TCN2: variants seen among roughly 807,000 people sequenced by gnomAD.
The protein encoded by TCN2 is transcobalamin-2.
In TCN2, 34 loss-of-function variants were observed where a neutral mutation model predicts 48.6. The ratio of observed to expected loss-of-function variants is 0.70; its 90% CI spans 0.53 to 0.93. The LOEUF (loss-of-function observed/expected upper bound fraction) is 0.93. Among genes scored for constraint, TCN2 ranks in the 40% least tolerant of loss-of-function variants. The probability of loss-of-function intolerance (pLI) is 0.00; values close to 1 mark genes in which losing one functional copy is unlikely to be tolerated. For missense variants in TCN2, 652 were observed against 526.1 expected, an observed-to-expected ratio of 1.24 and a Z score of -2.34; for synonymous variants, 283 against 212.5, an observed-to-expected ratio of 1.33 and a Z score of -2.89.
chr22:30,620,924 A>G lies in TCN2; in HGVS notation c.1107-2044A>G, dbSNP rs5997706. 1.0e-2 allele frequency among the ~76,000 whole-genome samples: 1,520 copies of G among 152,284 alleles called. 23 individuals are homozygous for G. The highest frequency in any genetic ancestry group is 0.035 in the African/African-American group (1,450 of 41,570). On this transcript the variant is annotated intron_variant, in intron 7 of 8. Coordinates refer to ENST00000215838, the MANE Select transcript of TCN2 (RefSeq NM_000355.4). The stretch of plus-strand genomic sequence containing the variant: ...GCCCTGCAGAGTTAAGGAATGGGAA[A>G]AGGGCTACTCTGTGACATTCCTTAG...
intron 6 of TCN2, 147 bp downstream of exon 6, chr22:30,615,934 C>T (rs2145545637): frequency 2.1e-6 from 2 of 942,314 alleles, no homozygotes; most frequent in Non-Finnish European, 3.4e-6. Context: ...AAAATGTGGT[C>T]ATAGCTTCTA....
At chr22:30,624,619 A>G (rs991494183) in intron 8 of TCN2, among the ~76,000 whole-genome samples, 10 of 152,178 alleles carry the variant, frequency 6.6e-5, no homozygotes, top group Admixed American at 3.9e-4. Flanking sequence ...GGCCAGTTCT[A>G]TTACTGATAA....
intron 2 of TCN2, among the ~76,000 whole-genome samples, chr22:30,612,155 G>C (rs780827821): frequency 6.6e-6 from 1 of 152,146 alleles, no homozygotes; most frequent in African/African-American, 2.4e-5. Context: ...AAAGGTGGGA[G>C]GATCTTTTGA....
chr22:30,615,892 A>G, intron 6 of TCN2, 105 bp downstream of exon 6: 1 of 1,447,970 alleles, frequency 6.9e-7, no homozygotes, highest in Non-Finnish European at 9.6e-7. Context: ...GAGTCAGCAC[A>G]AGATTGTGGG....
Position 30,617,355 on chromosome 22 carries a change from C to T in TCN2, c.966C>T (p.Thr322=). The change falls in exon 7 of 9, where the codon ACC becomes ACT. Residue 322 remains threonine, a synonymous_variant. Coordinates refer to ENST00000215838, the MANE Select transcript of TCN2 (RefSeq NM_000355.4). The part of the protein sequence containing the change: ...PRVMLEPAAE[T]IPQTQEIISV... Reference sequence around the variant, plus strand: ...TCATGTTGGAACCAGCTGCTGAGACCATTCCTCAGACCCAAGAGATCATCA... The same window carrying T: ...TCATGTTGGAACCAGCTGCTGAGACTATTCCTCAGACCCAAGAGATCATCA... 4 of 1,614,168 alleles carry T rather than the reference C, an allele frequency of 2.5e-6. No homozygotes were observed. Among genetic ancestry groups the T allele is most frequent in the Non-Finnish European group, 2.5e-6 (3 of 1,180,038 alleles).
chr22:30,616,913 A>G (rs1013423094), intron 6 of TCN2, among the ~76,000 whole-genome samples: 1 of 152,176 alleles, frequency 6.6e-6, no homozygotes, highest in Non-Finnish European at 1.5e-5. Flanking sequence ...AAAGAGTGGG[A>G]TCTGGGAGAA....
rs184825551 is a variant in TCN2 at position 30,618,206 on chromosome 22, G to T, written c.1106+711G>T. Among the ~76,000 whole-genome samples, 177 of 150,334 alleles carry T rather than the reference G, an allele frequency of 1.2e-3. 1 individual carries two copies. Among genetic ancestry groups the T allele is most frequent in the African/African-American group, 3.9e-3 (159 of 40,800 alleles). ...CTCAAACCATCCTCACACCTGAGGC[G>T]CTCAAAATATTGGGATTATAGGTGC... On this transcript the variant is annotated intron_variant, in intron 7 of 8. Coordinates refer to ENST00000215838, the MANE Select transcript of TCN2 (RefSeq NM_000355.4).
chr22:30,617,371 G>A lies in TCN2; in HGVS notation c.982G>A (p.Glu328Lys), dbSNP rs1294824435. Residue 328 changes from glutamate (E) to lysine (K), a missense_variant, in exon 7 of 9, where the codon GAG (glutamate) becomes AAG (lysine). By Grantham distance (56) the Glu-to-Lys change is moderately conservative. Coordinates refer to ENST00000215838, the MANE Select transcript of TCN2 (RefSeq NM_000355.4). Reference protein sequence around the residue: ...PAAETIPQTQEIISVTLQVLS... With the variant: ...PAAETIPQTQKIISVTLQVLS... Reference sequence around the variant, plus strand: ...TGCTGAGACCATTCCTCAGACCCAAGAGATCATCAGTGTCACGCTGCAGGT... The same window carrying A: ...TGCTGAGACCATTCCTCAGACCCAAAAGATCATCAGTGTCACGCTGCAGGT... 6.2e-7 allele frequency: 1 copy of A among 1,614,048 alleles called. No homozygotes were observed. The highest frequency in any genetic ancestry group is 1.3e-5 in the African/African-American group (1 of 74,900).
At position 30,607,310 on chromosome 22, in the gene TCN2, T is replaced by G. The variant is rs555008385; in HGVS notation, c.-22T>G. On this transcript the variant is annotated 5_prime_UTR_variant, in exon 1 of 9. Transcript: ENST00000215838. ...GGAGTCTTTCCCGATTCTTGCTCAC[T>G]GCTCACCCACCTGCTGCTGCCATGA... 1.7e-4 allele frequency: 278 copies of G among 1,614,156 alleles called. 2 individuals carry two copies. The South Asian group carries it at 2.8e-3, about 16-fold the overall frequency.
chr22:30,616,706 C>T (rs1201190615), intron 6 of TCN2, among the ~76,000 whole-genome samples: 1 of 152,064 alleles, frequency 6.6e-6, no homozygotes, highest in African/African-American at 2.4e-5. Context: ...GAGGCTGAGC[C>T]ACAAGAATCA....
chr22:30,614,281 C>T, intron 3 of TCN2, 68 bp from the exon 4 acceptor site: 5 of 1,594,922 alleles, frequency 3.1e-6, no homozygotes, highest in African/African-American at 1.3e-5. Flanking sequence ...GCCAGGGTCC[C>T]AGGTGCTGGC....
At chr22:30,619,749 C>G (rs1432220641) in intron 7 of TCN2, among the ~76,000 whole-genome samples, 2 of 152,220 alleles carry the variant, frequency 1.3e-5, no homozygotes, top group Non-Finnish European at 2.9e-5. Flanking sequence ...TAGAGAATCT[C>G]AGACCGGAGA....
chr22:30,626,908 G>A lies in TCN2; in HGVS notation c.*387G>A, dbSNP rs535143735. Reference sequence around the variant, plus strand: ...GGGGTCCTGCAAGAAGGCCTCCTCAGCCCGGGGGCTATGGCCCTGACCCCA... The same window carrying A: ...GGGGTCCTGCAAGAAGGCCTCCTCAACCCGGGGGCTATGGCCCTGACCCCA... On this transcript the variant is annotated 3_prime_UTR_variant, in exon 9 of 9. Coordinates refer to ENST00000215838, the MANE Select transcript of TCN2 (RefSeq NM_000355.4). 3.5e-4 allele frequency: 123 copies of A among 347,692 alleles called. No homozygotes were observed. The highest frequency in any genetic ancestry group is 3.0e-3 in the South Asian group (114 of 37,968). The allele number at this position is 347,692 out of a possible 1,614,324, so 21.5% of individuals were successfully genotyped here.
chr22:30,626,177 A>G (rs999285609), intron 8 of TCN2, among the ~76,000 whole-genome samples: 1 of 152,144 alleles, frequency 6.6e-6, no homozygotes, highest in Non-Finnish European at 1.5e-5. Context: ...TCCAGACTGC[A>G]CTGCGCAAGT....
In TCN2 at chr22:30,612,893, A is replaced by G. The variant is rs1431134463; in HGVS notation, c.278A>G (p.Asp93Gly). The change falls in exon 3 of 9, where the codon GAC (aspartate) becomes GGC (glycine). Residue 93 changes from aspartate to glycine, a missense_variant. By Grantham distance (94) the Asp-to-Gly change is moderately conservative. Transcript: ENST00000215838. Reference sequence around the variant, plus strand: ...CCTAGGTCTGCCTTCAGCGAGGATGACGGTGACTGCCAGGGCAAGCCTTCC... The same window carrying G: ...CCTAGGTCTGCCTTCAGCGAGGATGGCGGTGACTGCCAGGGCAAGCCTTCC... ...CLLGSAFSEDDGDCQGKPSMG... is the reference protein window; with the variant it reads ...CLLGSAFSEDGGDCQGKPSMG... 3 of 1,613,952 alleles carry G rather than the reference A, an allele frequency of 1.9e-6. No homozygotes were observed. In the African/African-American group the frequency reaches 4.0e-5, roughly 22 times the overall value.
At chr22:30,610,648 C>T (rs958941378) in intron 1 of TCN2, among the ~76,000 whole-genome samples, 1 of 152,258 alleles carries the variant, frequency 6.6e-6, no homozygotes, top group African/African-American at 2.4e-5. Context: ...CACCACCTCT[C>T]TTGCTGGCTC....
At chr22:30,616,810 C>A (rs2087618643) in intron 6 of TCN2, among the ~76,000 whole-genome samples, 1 of 152,020 alleles carries the variant, frequency 6.6e-6, no homozygotes, top group Admixed American at 6.6e-5. Context: ...CCAGAAAAAA[C>A]AAGAATGGAT....
chr22:30,613,538 G>A (rs944593246), intron 3 of TCN2, among the ~76,000 whole-genome samples: 13 of 152,110 alleles, frequency 8.5e-5, no homozygotes, highest in Middle Eastern at 3.4e-3. Flanking sequence ...CTTAGCCTCC[G>A]AAAGTGCTGG....
chr22:30,624,893 C>G (rs945944427), intron 8 of TCN2, among the ~76,000 whole-genome samples: 1 of 152,154 alleles, frequency 6.6e-6, no homozygotes, highest in African/African-American at 2.4e-5. Context: ...GCTGCTATTA[C>G]AAAATACCAT....
Sources: gnomAD v4.1 joint callset for allele counts (sites outside exome capture counted in the v4.1 genomes callset) on GRCh38, gnomAD v4.1.1 for gene constraint, MANE v1.5 for transcripts, NCBI Gene and HGNC (gene_info 2026-07-23, HGNC 2026-07-21) for gene names.